The following SLC25A21 variants were observed in gnomAD, a reference collection of about 807,000 sequenced individuals.
SLC25A21 encodes mitochondrial 2-oxodicarboxylate carrier.
A neutral mutation model predicts 43.8 loss-of-function variants in SLC25A21; 47 were observed. The ratio of observed to expected loss-of-function variants is 1.07; its 90% CI spans 0.85 to 1.37. The LOEUF (loss-of-function observed/expected upper bound fraction) is 1.37. Among genes scored for constraint, SLC25A21 ranks in the 40% most tolerant of loss-of-function variants. The probability of loss-of-function intolerance (pLI) is 0.00; values close to 1 mark genes in which losing one functional copy is unlikely to be tolerated. For synonymous variants in SLC25A21, 131 were observed against 121.3 expected (o/e 1.08, Z -0.52); for missense variants, 352 against 350.2 (o/e 1.00, Z -0.04).
At chr14:36,879,631 C>A (rs1890651512) in intron 1 of SLC25A21, among the ~76,000 whole-genome samples, 1 of 152,068 alleles carries the variant, frequency 6.6e-6, no homozygotes, top group South Asian at 2.1e-4. Flanking sequence ...CCTTGAACTG[C>A]CTCAAGTACA....
chr14:36,680,968 A>AGAT (rs1476524427), intron 9 of SLC25A21, among the ~76,000 whole-genome samples: 1 of 152,206 alleles, frequency 6.6e-6, no homozygotes, highest in Non-Finnish European at 1.5e-5. Flanking sequence ...ATTTGTCATC[A>AGAT]GATTCTTTTT....
At chr14:36,761,239 C>T (rs1450194071) in intron 3 of SLC25A21, among the ~76,000 whole-genome samples, 3 of 152,146 alleles carry the variant, frequency 2.0e-5, no homozygotes, top group Non-Finnish European at 4.4e-5. Flanking sequence ...CTGTGGGGTG[C>T]GACTCTACTA....
chr14:36,847,075 G>A (rs1889568211), intron 2 of SLC25A21, among the ~76,000 whole-genome samples: 2 of 152,182 alleles, frequency 1.3e-5, no homozygotes, highest in South Asian at 4.1e-4. Flanking sequence ...ATGGGATGCT[G>A]CCCCAGATGC....
chr14:36,729,956 A>C (rs11847459), intron 4 of SLC25A21, among the ~76,000 whole-genome samples: 38,312 of 152,088 alleles, frequency 0.25, 4,936 homozygotes, highest in Middle Eastern at 0.33. Flanking sequence ...TGAAAGCCCA[A>C]TTTTCTAACA....
intron 2 of SLC25A21, among the ~76,000 whole-genome samples, chr14:36,864,184 T>C (rs1407137316): frequency 2.0e-5 from 3 of 152,214 alleles, no homozygotes; most frequent in African/African-American, 4.8e-5. Context: ...TTAGTCACTA[T>C]ACAAATGTGA....
chr14:37,019,550 A>T (rs771038489), intron 1 of SLC25A21, among the ~76,000 whole-genome samples: 5 of 151,854 alleles, frequency 3.3e-5, no homozygotes, highest in Non-Finnish European at 7.4e-5. Flanking sequence ...ATGCCTGAAG[A>T]GTTAGAAAGA....
chr14:36,883,783 C>T (rs866688334), intron 1 of SLC25A21, among the ~76,000 whole-genome samples: 6 of 151,974 alleles, frequency 3.9e-5, no homozygotes, highest in South Asian at 2.1e-4. Flanking sequence ...AAAGAATCCA[C>T]GATGATAATT....
chr14:37,024,258 C>T (rs1961046353), intron 1 of SLC25A21, among the ~76,000 whole-genome samples: 1 of 152,056 alleles, frequency 6.6e-6, no homozygotes, highest in Non-Finnish European at 1.5e-5. Flanking sequence ...CTGTTTAATA[C>T]TGATGCTGAA....
intron 1 of SLC25A21, among the ~76,000 whole-genome samples, chr14:37,126,677 A>G (rs1340712136): frequency 6.6e-6 from 1 of 152,156 alleles, no homozygotes; most frequent in Non-Finnish European, 1.5e-5. Context: ...AATTATAGCA[A>G]AAAGCCTACA....
At chr14:36,699,671 C>G (rs570654258) in intron 7 of SLC25A21, among the ~76,000 whole-genome samples, 1 of 152,322 alleles carries the variant, frequency 6.6e-6, no homozygotes, top group South Asian at 2.1e-4. Flanking sequence ...GTCCCTCCCC[C>G]AGCCAGGCTG....
intron 6 of SLC25A21, 179 bp downstream of exon 6, chr14:36,725,391 C>A: frequency 4.9e-6 from 1 of 203,478 alleles, no homozygotes; most frequent in Non-Finnish European, 9.3e-6. Flanking sequence ...AGGAGAATAG[C>A]TTGAACCCAG....
intron 1 of SLC25A21, among the ~76,000 whole-genome samples, chr14:36,944,881 T>C (rs1214668123): frequency 6.6e-6 from 1 of 152,194 alleles, no homozygotes; most frequent in African/African-American, 2.4e-5. Context: ...TTTTGTTGTG[T>C]GAATCAATTC....
intron 1 of SLC25A21, among the ~76,000 whole-genome samples, chr14:36,910,594 T>C (rs549163765): frequency 3.9e-5 from 6 of 152,288 alleles, no homozygotes; most frequent in African/African-American, 1.4e-4. Context: ...GAAGTTGATG[T>C]GAAATGAAGA....
intron 3 of SLC25A21, among the ~76,000 whole-genome samples, chr14:36,809,786 C>T (rs952556521): frequency 4.6e-5 from 7 of 152,246 alleles, no homozygotes; most frequent in East Asian, 1.9e-4. Flanking sequence ...CCAGGAGAGG[C>T]GAATTCTCCT....
intron 3 of SLC25A21, among the ~76,000 whole-genome samples, chr14:36,735,349 T>A (rs1884988206): frequency 6.6e-6 from 1 of 152,268 alleles, no homozygotes; most frequent in African/African-American, 2.4e-5. Flanking sequence ...TTCAAAATTT[T>A]AAATTCCTTT....
At chr14:36,847,822 T>C (rs1889593655) in intron 2 of SLC25A21, among the ~76,000 whole-genome samples, 1 of 152,368 alleles carries the variant, frequency 6.6e-6, no homozygotes, top group Non-Finnish European at 1.5e-5. Context: ...TGGACATTTG[T>C]ACAGGATGTT....
intron 3 of SLC25A21, among the ~76,000 whole-genome samples, chr14:36,784,766 T>A (rs1230713159): frequency 1.3e-5 from 2 of 152,218 alleles, no homozygotes; most frequent in Admixed American, 1.3e-4. Flanking sequence ...GGAAACACTG[T>A]GTGAGTCTTA....
intron 1 of SLC25A21, among the ~76,000 whole-genome samples, chr14:37,100,849 G>C (rs1366023411): frequency 6.6e-6 from 1 of 152,220 alleles, no homozygotes; most frequent in African/African-American, 2.4e-5. Context: ...ATTATTGGGT[G>C]ATTGGGGGGT....
intron 3 of SLC25A21, chr14:36,759,734 G>A (rs1342895259): frequency 1.3e-5 from 2 of 152,234 alleles, no homozygotes; most frequent in Non-Finnish European, 2.9e-5. Flanking sequence ...ATCCCAGCAT[G>A]TTGGGAGGCC....
Sources: allele counts gnomAD v4.1 joint callset (sites outside exome capture counted in the v4.1 genomes callset), GRCh38; gene constraint gnomAD v4.1.1; transcripts MANE v1.5; gene names NCBI Gene and HGNC (gene_info 2026-07-23, HGNC 2026-07-21).